Variants in ACOX1 observed in about 807,000 individuals in gnomAD.
The protein encoded by ACOX1 is acyl-CoA oxidase 1.
A neutral mutation model predicts 75.5 loss-of-function variants in ACOX1; 41 were observed. The ratio of observed to expected loss-of-function variants is 0.54; its 90% CI spans 0.42 to 0.70. The LOEUF is 0.70. Ranked by LOEUF, ACOX1 falls within the 30% of genes least tolerant of loss-of-function variation. The probability of loss-of-function intolerance (pLI) is 0.00; values close to 1 mark genes in which losing one functional copy is unlikely to be tolerated. For missense variants in ACOX1, 630 were observed against 837.5 expected (o/e 0.75, Z 3.06); for synonymous variants, 303 against 298.8 (o/e 1.01, Z -0.15).
In ACOX1 at chr17:75,944,402, G is replaced by A. The variant is rs1286225593; in HGVS notation, c.*2346C>T. ...AAACTGGACTTGCCACTTCCTTTAAGGTACAGCCAACAAATGTGTACCAAG... is the reference window on the plus strand; with the variant it reads ...AAACTGGACTTGCCACTTCCTTTAAAGTACAGCCAACAAATGTGTACCAAG... On this transcript the variant is annotated 3_prime_UTR_variant, in exon 14 of 14. Coordinates refer to ENST00000293217, the MANE Select transcript of ACOX1 (RefSeq NM_004035.7). 1 of 152,130 alleles carries A rather than the reference G, an allele frequency of 6.6e-6. No individual in the cohort carries two copies. Among genetic ancestry groups the A allele is most frequent in the Admixed American group, 6.6e-5 (1 of 15,256 alleles). 9.4% of individuals were successfully genotyped at this position (152,130 alleles called of 1,614,324 possible). A position where few individuals can be genotyped will look rare whatever the true frequency, so the allele number is the denominator to read the frequency against.
At position 75,978,260 on chromosome 17, in the gene ACOX1, A is replaced by G. The variant is rs1317960206; in HGVS notation, c.269+274T>C. ...CAGGCGCCCGCCACCACGCCCGGCT[A>G]ATTTTTGTATTTTCAGTAGAGATGG... On this transcript the variant is annotated intron_variant, in intron 2 of 13. Coordinates refer to ENST00000293217, the MANE Select transcript of ACOX1 (RefSeq NM_004035.7). The surrounding 1 kb of genome is among the most constrained non-coding windows in gnomAD (Gnocchi z 4.2). Among the ~76,000 whole-genome samples the G allele has an allele frequency of 2.0e-5, 3 of 151,940 alleles. No individual in the cohort carries two copies. The highest frequency in any genetic ancestry group is 4.4e-5 in the Non-Finnish European group (3 of 67,976).
chr17:75,958,720 A>G (rs2065861003), intron 3 of ACOX1, among the ~76,000 whole-genome samples: 1 of 150,946 alleles, frequency 6.6e-6, no homozygotes, highest in East Asian at 2.0e-4. Context: ...AGGCAGGAGA[A>G]TGGCGTGAAC....
chr17:75,967,620 ATATATATATACATACATATATATACG>A (rs1403287156), intron 2 of ACOX1, among the ~76,000 whole-genome samples: 7 of 91,964 alleles, frequency 7.6e-5, no homozygotes, highest in Admixed American at 1.9e-4. Context: ...ATATACATAC[ATATATATATACATACATATATATACG>A]TATATATATA....
Position 75,949,065 on chromosome 17 carries a change from A to G in ACOX1, c.1728+152T>C, listed in dbSNP as rs971867157. The G allele has an allele frequency of 1.8e-5, 15 of 821,862 alleles. No homozygotes were observed. The African/African-American group carries it at 2.4e-4, about 13-fold the overall frequency. 50.9% of individuals were successfully genotyped at this position (821,862 alleles called of 1,614,324 possible). A position where few individuals can be genotyped will look rare whatever the true frequency, so the allele number is the denominator to read the frequency against. On this transcript the variant is annotated intron_variant, in intron 12 of 13. Coordinates refer to ENST00000293217, the MANE Select transcript of ACOX1 (RefSeq NM_004035.7). ...AGTAGAGACAGGGTTTCACCAGGCCAGGCTGGTCTTGAACTCCTGACCTCA... is the reference window on the plus strand; with the variant it reads ...AGTAGAGACAGGGTTTCACCAGGCCGGGCTGGTCTTGAACTCCTGACCTCA...
intron 2 of ACOX1, among the ~76,000 whole-genome samples, chr17:75,965,263 A>G (rs1018299898): frequency 4.1e-5 from 6 of 147,766 alleles, no homozygotes; most frequent in East Asian, 4.1e-4. Flanking sequence ...GCGTGAACCC[A>G]GGAGGCGGAG....
chr17:75,953,636 G>A lies in ACOX1; in HGVS notation c.775-16C>T. 2 of 1,613,710 alleles carry A rather than the reference G, an allele frequency of 1.2e-6. No individual in the cohort carries two copies. Among genetic ancestry groups the A allele is most frequent in the Non-Finnish European group, 1.7e-6 (2 of 1,179,736 alleles). ...CAGGCTTCACCTGGAAGAAGAACGT[G>A]GAACTGATACTTCCTTCTTTTAAGC... On this transcript the variant is annotated splice_polypyrimidine_tract_variant and intron_variant, in intron 6 of 13. Coordinates refer to ENST00000293217, the MANE Select transcript of ACOX1 (RefSeq NM_004035.7).
chr17:75,967,695 TACATATATATACATATATATATAC>T (rs1567885374), intron 2 of ACOX1, among the ~76,000 whole-genome samples: 13 of 136,240 alleles, frequency 9.5e-5, no homozygotes, highest in South Asian at 4.4e-4. Context: ...TATATATACA[TACATATATATACATATATATATAC>T]ACATATATAT....
At position 75,958,763 on chromosome 17, in the gene ACOX1, G is replaced by A. The variant is rs553217102; in HGVS notation, c.431-1197C>T. ...GTGGAGCTTGCAGTGAGCTGAGATC[G>A]CGCCACTGCACTCCAGCCTGGGCGA... On this transcript the variant is annotated intron_variant, in intron 3 of 13. Transcript: ENST00000293217. Among the ~76,000 whole-genome samples, 31 of 148,818 alleles carry A rather than the reference G, an allele frequency of 2.1e-4. 1 individual carries two copies. In the South Asian group the frequency reaches 3.0e-3, roughly 14 times the overall value.
In ACOX1 at chr17:75,951,486, C is replaced by T. The variant is rs754753043; in HGVS notation, c.1036G>A (p.Ala346Thr). The change falls in exon 8 of 14, where the codon GCA becomes ACA. Residue 346 changes from alanine (A) to threonine (T), a missense_variant. By Grantham distance (58) the Ala-to-Thr change is moderately conservative. This residue lies in a region of ACOX1 where 390 missense variants were observed against 574.9 expected (regional missense o/e 0.68). Coordinates refer to ENST00000293217, the MANE Select transcript of ACOX1 (RefSeq NM_004035.7). Reference protein sequence around the residue: ...ATAYAFQFVGAYMKETYHRIN... With the variant: ...ATAYAFQFVGTYMKETYHRIN... ...CGGTGATAGGTCTCCTTCATGTATG[C>T]GCCCACAAACTGGAAGGCATAGGCA... The T allele has an allele frequency of 2.3e-5, 37 of 1,613,944 alleles. No individual in the cohort carries two copies. In the Admixed American group the frequency reaches 2.5e-4, roughly 11 times the overall value.
chr17:75,953,228 C>CTTTT, intron 7 of ACOX1: 1 of 464,328 alleles, frequency 2.2e-6, no homozygotes, highest in Non-Finnish European at 3.9e-6. Flanking sequence ...TGGGTATTCT[C>CTTTT]TTTTTTTCTT....
At chr17:75,963,776 A>G (rs8065144) in intron 2 of ACOX1, among the ~76,000 whole-genome samples, 71,555 of 151,718 alleles carry the variant, frequency 0.47, 21,637 homozygotes, top group African/African-American at 0.87. Flanking sequence ...TAGAAGCCTC[A>G]AAAATGGAAA....
chr17:75,961,465 C>A (rs866825919), intron 2 of ACOX1, among the ~76,000 whole-genome samples: 661 of 50,424 alleles, frequency 0.013, no homozygotes, highest in East Asian at 0.032. Context: ...ACTAAAAATA[C>A]AAAAAAAAAA....
intron 2 of ACOX1, among the ~76,000 whole-genome samples, chr17:75,961,308 AAGAG>A (rs1160565184): frequency 1.1e-4 from 17 of 150,750 alleles, no homozygotes; most frequent in South Asian, 2.1e-4. Context: ...AAAAAAAAAA[AAGAG>A]AGAGAGAATT....
At chr17:75,953,313 A>G (rs1361291600) in intron 7 of ACOX1, 138 bp downstream of exon 7, 9 of 907,640 alleles carry the variant, frequency 9.9e-6, no homozygotes, top group Non-Finnish European at 1.4e-5. Flanking sequence ...CTAGATATGA[A>G]ATTACAGGCC....
chr17:75,947,796 G>A (rs2065735808), intron 13 of ACOX1, among the ~76,000 whole-genome samples: 1 of 149,670 alleles, frequency 6.7e-6, no homozygotes, highest in Non-Finnish European at 1.5e-5. Flanking sequence ...TGCAACCTCC[G>A]CCTCCTGGGT....
At chr17:75,964,120 G>A (rs2065910063) in intron 2 of ACOX1, among the ~76,000 whole-genome samples, 1 of 150,006 alleles carries the variant, frequency 6.7e-6, no homozygotes, top group Admixed American at 6.7e-5. Flanking sequence ...GGAGGCAGAG[G>A]TTGCAGTGAG....
intron 2 of ACOX1, chr17:75,973,615 G>A: frequency 6.2e-7 from 1 of 1,614,106 alleles, no homozygotes; most frequent in Non-Finnish European, 8.5e-7. Flanking sequence ...GACCCTCAAT[G>A]TGGACTAACC....
Position 75,946,807 on chromosome 17 carries a change from GGA to G in ACOX1, c.1936-14_1936-13del, listed in dbSNP as rs2065724252. The G allele has an allele frequency of 6.2e-7, 1 of 1,612,414 alleles. No individual in the cohort carries two copies. The highest frequency in any genetic ancestry group is 1.3e-5 in the African/African-American group (1 of 74,900). ...TAAGATTCGTGGACCTGTGGGGAAA[GGA>G]GAGAGAAGAACTACTAATAAAGAGT... On this transcript the variant is annotated splice_polypyrimidine_tract_variant and intron_variant, in intron 13 of 13. Coordinates refer to ENST00000293217, the MANE Select transcript of ACOX1 (RefSeq NM_004035.7).
intron 4 of ACOX1, among the ~76,000 whole-genome samples, chr17:75,957,008 T>TATATATATATACACAC (rs1555617568): frequency 2.7e-5 from 3 of 110,180 alleles, no homozygotes; most frequent in African/African-American, 1.1e-4. Flanking sequence ...TATATATATA[T>TATATATATATACACAC]ACACACACAC....
Sources: allele counts gnomAD v4.1 joint callset (sites outside exome capture counted in the v4.1 genomes callset), GRCh38; gene constraint gnomAD v4.1.1; regional missense constraint gnomAD v4.1.1; non-coding constraint Gnocchi (gnomAD v3.1); transcripts MANE v1.5; gene names NCBI Gene and HGNC (gene_info 2026-07-23, HGNC 2026-07-21).